NINJ2: variants seen among roughly 807,000 people sequenced by gnomAD.
NINJ2 encodes the protein ninjurin 2, also known as ninjurin-2.
A neutral mutation model predicts 11.7 loss-of-function variants in NINJ2; 12 were observed. The observed-to-expected ratio is 1.02, with a 90% confidence interval of 0.66 to 1.66. The LOEUF (loss-of-function observed/expected upper bound fraction) is 1.66, where lower values mean the gene tolerates loss of function less well. Ranked by LOEUF, NINJ2 falls within the 40% of genes most tolerant of loss-of-function variation. The pLI, the probability that NINJ2 is intolerant of heterozygous loss-of-function variation, is 0.00. For synonymous variants in NINJ2, 93 were observed against 76.8 expected (o/e 1.21, Z -1.10); for missense variants, 187 against 181.8 (o/e 1.03, Z -0.16).
At chr12:583,159 GTGC>G in intron 1 of NINJ2, among the ~76,000 whole-genome samples, 2 of 36,850 alleles carry the variant, frequency 5.4e-5, no homozygotes, top group African/African-American at 8.8e-5. Context: ...GAATGAATGG[GTGC>G]AGGCAGGCAG....
At chr12:654,516 C>T (rs930843569) in intron 1 of NINJ2, among the ~76,000 whole-genome samples, 3 of 138,144 alleles carry the variant, frequency 2.2e-5, no homozygotes, top group African/African-American at 5.2e-5. Context: ...AGTGAAACTC[C>T]GTCTCAAAAA....
intron 1 of NINJ2, chr12:643,567 G>A: frequency 1.0e-6 from 1 of 987,990 alleles, no homozygotes; most frequent in Non-Finnish European, 1.2e-6. Context: ...TCATTTTAGG[G>A]CTGGAGATGA....
intron 1 of NINJ2, among the ~76,000 whole-genome samples, chr12:642,043 CG>C (rs1948424692): frequency 6.6e-6 from 1 of 152,154 alleles, no homozygotes; most frequent in Non-Finnish European, 1.5e-5. Context: ...GGAAAGGGCC[CG>C]TATTTCGGTT....
chr12:615,128 A>G (rs1317152940), intron 1 of NINJ2, among the ~76,000 whole-genome samples: 1 of 152,218 alleles, frequency 6.6e-6, no homozygotes, highest in Non-Finnish European at 1.5e-5. Context: ...GTCATCTTTC[A>G]GCTCTGATAA....
At chr12:570,796 C>G (rs1947365215) in intron 1 of NINJ2, among the ~76,000 whole-genome samples, 1 of 152,248 alleles carries the variant, frequency 6.6e-6, no homozygotes, top group Non-Finnish European at 1.5e-5. Context: ...TCTGCTGATC[C>G]TCGAGGAGCA....
At chr12:636,105 G>C (rs1054884215) in intron 1 of NINJ2, among the ~76,000 whole-genome samples, 1 of 152,012 alleles carries the variant, frequency 6.6e-6, no homozygotes, top group African/African-American at 2.4e-5. Flanking sequence ...GGCCAGGCGT[G>C]GTGGCTTACG....
chr12:622,323 T>C (rs545018519), intron 1 of NINJ2, among the ~76,000 whole-genome samples: 3 of 133,596 alleles, frequency 2.2e-5, no homozygotes, highest in African/African-American at 8.6e-5. Context: ...AGCAGGAGAA[T>C]GGCATGAACC....
intron 2 of NINJ2, 151 bp from the exon 3 acceptor site, chr12:565,552 C>T: frequency 1.3e-6 from 1 of 788,630 alleles, no homozygotes; most frequent in Non-Finnish European, 2.0e-6. Flanking sequence ...GGCTGAGATG[C>T]CTCTGCCCTC....
At chr12:636,021 G>A (rs1186241830) in intron 1 of NINJ2, among the ~76,000 whole-genome samples, 1 of 152,182 alleles carries the variant, frequency 6.6e-6, no homozygotes, top group Non-Finnish European at 1.5e-5. Flanking sequence ...AGGTTGCAGT[G>A]AGCCAAGAGT....
At chr12:569,973 C>T (rs1485678875) in intron 1 of NINJ2, among the ~76,000 whole-genome samples, 1 of 152,148 alleles carries the variant, frequency 6.6e-6, no homozygotes, top group East Asian at 1.9e-4. Flanking sequence ...CCGCGGCTGC[C>T]GGGGGGCGTT....
Position 581,251 on chromosome 12 carries a change from C to T in NINJ2, c.34-15073G>A, listed in dbSNP as rs552931169. On this transcript the variant is annotated intron_variant, in intron 1 of 3. Transcript: ENST00000305108. The surrounding 1 kb of genome is among the most constrained non-coding windows in gnomAD (Gnocchi z 4.9). ...GCTCAGCAGTATCCTGGGTCCTGGC[C>T]ATAGACCTGTAGATGAGACAGGCTA... is the stretch of plus-strand genomic sequence containing the variant. Among the ~76,000 whole-genome samples, 6 of 152,182 alleles carry T rather than the reference C, an allele frequency of 3.9e-5. No homozygotes were observed. Among genetic ancestry groups the T allele is most frequent in the Middle Eastern group, 6.8e-3 (2 of 294 alleles).
At chr12:641,439 G>A (rs1948415207) in intron 1 of NINJ2, among the ~76,000 whole-genome samples, 1 of 152,184 alleles carries the variant, frequency 6.6e-6, no homozygotes, top group South Asian at 2.1e-4. Flanking sequence ...TGAAAGGCGT[G>A]GGGAGAGGCC....
At chr12:661,923 G>A (rs988729512) in intron 1 of NINJ2, among the ~76,000 whole-genome samples, 9 of 152,246 alleles carry the variant, frequency 5.9e-5, no homozygotes, top group African/African-American at 1.9e-4. Flanking sequence ...GGCTGCAGCA[G>A]TGAATAAAAC....
At chr12:659,463 T>C (rs1174730206) in intron 1 of NINJ2, among the ~76,000 whole-genome samples, 1 of 152,160 alleles carries the variant, frequency 6.6e-6, no homozygotes, top group Admixed American at 6.5e-5. Flanking sequence ...AGAAAGGGAT[T>C]ATCCTCAACC....
intron 1 of NINJ2, among the ~76,000 whole-genome samples, chr12:576,799 G>A (rs574138963): frequency 2.0e-5 from 3 of 152,256 alleles, no homozygotes; most frequent in East Asian, 3.9e-4. Flanking sequence ...CCAAAGAATC[G>A]ATCTGCTCCC....
intron 1 of NINJ2, among the ~76,000 whole-genome samples, chr12:594,865 T>C (rs996892383): frequency 6.6e-6 from 1 of 152,122 alleles, no homozygotes; most frequent in African/African-American, 2.4e-5. Context: ...AGATGTAGAA[T>C]AGCCAACTCA....
At position 589,742 on chromosome 12, in the gene NINJ2, C is replaced by T. The variant is rs533614133; in HGVS notation, c.34-23564G>A. ...ATGTGCTGGGTATGCCTCCTGAGTC[C>T]TAGGCACTGATGTCTCAGGCTGGGC... On this transcript the variant is annotated intron_variant, in intron 1 of 3. Transcript: ENST00000305108. 4.0e-4 allele frequency among the ~76,000 whole-genome samples: 61 copies of T among 152,266 alleles called. 1 individual carries two copies. Among genetic ancestry groups the T allele is most frequent in the East Asian group, 7.7e-4 (4 of 5,180 alleles).
At chr12:579,741 A>C (rs192274628) in intron 1 of NINJ2, among the ~76,000 whole-genome samples, 1 of 152,160 alleles carries the variant, frequency 6.6e-6, no homozygotes, top group Non-Finnish European at 1.5e-5. Flanking sequence ...CTTTTAAAAA[A>C]GCTTCCCCTC....
chr12:574,565 C>T (rs1479827550), intron 1 of NINJ2, among the ~76,000 whole-genome samples: 2 of 150,796 alleles, frequency 1.3e-5, no homozygotes, highest in Non-Finnish European at 3.0e-5. Flanking sequence ...GTGAGCTTGG[C>T]TCCCTTCCTC....
Sources: allele counts gnomAD v4.1 joint callset (sites outside exome capture counted in the v4.1 genomes callset), GRCh38; gene constraint gnomAD v4.1.1; non-coding constraint Gnocchi (gnomAD v3.1); transcripts MANE v1.5; gene names NCBI Gene and HGNC (gene_info 2026-07-23, HGNC 2026-07-21).